The following TDRD5 variants were observed in gnomAD, a reference collection of about 807,000 sequenced individuals.
TDRD5 encodes tudor domain containing 5.
Under a neutral mutation model 120.6 loss-of-function variants are expected in TDRD5, and 41 were observed. The ratio of observed to expected loss-of-function variants is 0.34; its 90% CI spans 0.26 to 0.44. The LOEUF (loss-of-function observed/expected upper bound fraction) is 0.44. TDRD5 is among the 20% of genes least tolerant of loss of function. The pLI is 1.00. For missense variants in TDRD5, 1,006 were observed against 1,221.2 expected, an observed-to-expected ratio of 0.82 and a Z score of 2.63; for synonymous variants, 430 against 433.7, an observed-to-expected ratio of 0.99 and a Z score of 0.11.
At position 179,690,933 on chromosome 1, in the gene TDRD5, TG is replaced by T; in HGVS notation, c.3100del (p.Glu1034LysfsTer17). 4 of 1,611,444 alleles carry T rather than the reference TG, an allele frequency of 2.5e-6. No homozygotes were observed. Among genetic ancestry groups the T allele is most frequent in the Non-Finnish European group, 3.4e-6 (4 of 1,178,256 alleles). ...CACTGGTACCCCAGTGTGAAAAGGA[TG>T]GAAGCATGAGGGAGGGAGGGAGGAG... is the stretch of plus-strand genomic sequence containing the variant. ...LLHWYPSVKR[M>X]EA On this transcript the variant is annotated frameshift_variant, in exon 18 of 18. Coordinates refer to ENST00000444136, the MANE Select transcript of TDRD5 (RefSeq NM_001199085.3). LOFTEE classifies it high-confidence loss of function.
In TDRD5 at chr1:179,651,166, T is replaced by G. The variant is rs1678691664; in HGVS notation, c.2001+99T>G. On this transcript the variant is annotated intron_variant, in intron 12 of 17. Transcript: ENST00000444136. ...AAAGAAGTTTATTTGGTTTATTCTT[T>G]AACCAATTAGAGACATCCACGAGAT... 1.5e-5 allele frequency: 20 copies of G among 1,312,328 alleles called. No individual in the cohort carries two copies. The South Asian group carries it at 2.6e-4, about 17-fold the overall frequency. The allele number at this position is 1,312,328 out of a possible 1,614,324, so 81.3% of individuals were successfully genotyped here.
rs558644345 is a variant in TDRD5, at chr1:179,592,547, T to A, written c.-14-55T>A. The stretch of plus-strand genomic sequence containing the variant: ...TTGTATCCCACTATTGGTTTTTTTT[T>A]AAATCTTTTTTCGTGGGTTTGCCCC... On this transcript the variant is annotated intron_variant, in intron 1 of 17. Coordinates refer to ENST00000444136, the MANE Select transcript of TDRD5 (RefSeq NM_001199085.3). 92 of 1,225,632 alleles carry A rather than the reference T, an allele frequency of 7.5e-5. 1 individual carries two copies. Among genetic ancestry groups the A allele is most frequent in the African/African-American group, 5.0e-4 (33 of 66,550 alleles). The allele number at this position is 1,225,632 out of a possible 1,614,324, so 75.9% of individuals were successfully genotyped here.
chr1:179,675,273 A>ATTTTTTTTTTTTTTTTTTTTTTT (rs1172444253), intron 17 of TDRD5, among the ~76,000 whole-genome samples: 2 of 66,626 alleles, frequency 3.0e-5, no homozygotes, highest in East Asian at 4.0e-4. Context: ...TATTATTATT[A>ATTTTTTTTTTTTTTTTTTTTTTT]TTTTTTTTTT....
intron 4 of TDRD5, among the ~76,000 whole-genome samples, chr1:179,613,901 G>A (rs898704739): frequency 1.3e-5 from 2 of 152,192 alleles, no homozygotes; most frequent in African/African-American, 4.8e-5. Flanking sequence ...ATGTTTCTGT[G>A]CCAGTTTTGT....
At chr1:179,670,129 C>T (rs541729185) in intron 17 of TDRD5, among the ~76,000 whole-genome samples, 9 of 152,286 alleles carry the variant, frequency 5.9e-5, no homozygotes, top group South Asian at 2.1e-4. Flanking sequence ...CGATGGCTCA[C>T]GCCTGTAATC....
At chr1:179,613,328 G>T (rs933814839) in intron 4 of TDRD5, among the ~76,000 whole-genome samples, 3 of 152,004 alleles carry the variant, frequency 2.0e-5, no homozygotes, top group Non-Finnish European at 4.4e-5. Flanking sequence ...ATATTCTCTG[G>T]CCAACTTAGA....
chr1:179,602,304 T>C (rs1675757493), intron 4 of TDRD5, among the ~76,000 whole-genome samples: 1 of 152,180 alleles, frequency 6.6e-6, no homozygotes, highest in Non-Finnish European at 1.5e-5. Context: ...CCCTGATCAT[T>C]AGTGATGTTG....
chr1:179,647,900 C>T (rs1033267883), intron 11 of TDRD5, among the ~76,000 whole-genome samples: 1 of 148,702 alleles, frequency 6.7e-6, no homozygotes, highest in East Asian at 2.0e-4. Flanking sequence ...CAATGAGATA[C>T]CATCTCACAC....
intron 14 of TDRD5, among the ~76,000 whole-genome samples, chr1:179,660,211 GTTTTTTTTTTT>G (rs34435630): frequency 1.7e-5 from 1 of 58,172 alleles, no homozygotes; most frequent in Non-Finnish European, 3.0e-5. Context: ...ATCTACTATG[GTTTTTTTTTTT>G]TTTTTTTTTT....
intron 17 of TDRD5, among the ~76,000 whole-genome samples, chr1:179,688,772 C>T (rs1302934574): frequency 1.3e-5 from 2 of 152,098 alleles, no homozygotes; most frequent in Admixed American, 6.6e-5. Flanking sequence ...CTAAACTTCT[C>T]TTCTTGCTTC....
At position 179,630,988 on chromosome 1, in the gene TDRD5, G is replaced by A. The variant is rs1572370620; in HGVS notation, c.1126+68G>A. ...CCTTATGAGGACAAAGAGAAAACATGAAATAATGCCTAGCCATGAAATGTT... is the reference window on the plus strand; with the variant it reads ...CCTTATGAGGACAAAGAGAAAACATAAAATAATGCCTAGCCATGAAATGTT... On this transcript the variant is annotated intron_variant, in intron 7 of 17. Transcript: ENST00000444136. 9.9e-6 allele frequency: 14 copies of A among 1,410,780 alleles called. No homozygotes were observed. The South Asian group carries it at 1.8e-4, about 18-fold the overall frequency. 87.4% of individuals were successfully genotyped at this position (1,410,780 alleles called of 1,614,324 possible). A position where few individuals can be genotyped will look rare whatever the true frequency, so the allele number is the denominator to read the frequency against.
intron 17 of TDRD5, among the ~76,000 whole-genome samples, chr1:179,684,957 T>C (rs1680622516): frequency 6.6e-6 from 1 of 152,166 alleles, no homozygotes; most frequent in South Asian, 2.1e-4. Context: ...CTTTGTCAGA[T>C]GGGTAGATTG....
At chr1:179,679,073 T>C (rs1680293902) in intron 17 of TDRD5, among the ~76,000 whole-genome samples, 1 of 152,222 alleles carries the variant, frequency 6.6e-6, no homozygotes, top group Admixed American at 6.5e-5. Flanking sequence ...TTATTATGAA[T>C]CGGTGTTGAA....
chr1:179,658,491 G>A (rs1003342621), intron 14 of TDRD5, among the ~76,000 whole-genome samples: 2 of 151,990 alleles, frequency 1.3e-5, no homozygotes, highest in Admixed American at 6.6e-5. Flanking sequence ...GGTATTTTGT[G>A]GTTTTTGAGG....
Position 179,613,134 on chromosome 1 carries a change from T to G in TDRD5, c.832-5465T>G, listed in dbSNP as rs115303059. ...TAACTTTTAATTTGCACCTAAACAATTGATAGTTTTTACATGAATTAGATG... is the reference window on the plus strand; with the variant it reads ...TAACTTTTAATTTGCACCTAAACAAGTGATAGTTTTTACATGAATTAGATG... On this transcript the variant is annotated intron_variant, in intron 4 of 17. Coordinates refer to ENST00000444136, the MANE Select transcript of TDRD5 (RefSeq NM_001199085.3). Among the ~76,000 whole-genome samples the G allele has an allele frequency of 5.4e-3, 824 of 152,196 alleles. 3 individuals carry two copies. Among genetic ancestry groups the G allele is most frequent in the African/African-American group, 0.019 (781 of 41,520 alleles).
chr1:179,671,203 A>G (rs1168731935), intron 17 of TDRD5, among the ~76,000 whole-genome samples: 3 of 152,266 alleles, frequency 2.0e-5, no homozygotes, highest in African/African-American at 4.8e-5. Context: ...CTCTTGGTCT[A>G]TATGTCTGTT....
intron 15 of TDRD5, among the ~76,000 whole-genome samples, chr1:179,662,983 A>G (rs555977697): frequency 2.6e-5 from 4 of 152,182 alleles, no homozygotes; most frequent in Non-Finnish European, 5.9e-5. Flanking sequence ...AGGCCTAACT[A>G]TATATATTTG....
chr1:179,600,032 A>G (rs188664228), intron 4 of TDRD5, among the ~76,000 whole-genome samples: 2 of 152,188 alleles, frequency 1.3e-5, no homozygotes, highest in Non-Finnish European at 2.9e-5. Context: ...AAAAAAATTA[A>G]TTGTAAAACA....
upstream of TDRD5, chr1:179,591,798 G>C (rs1025532754): frequency 1.3e-5 from 2 of 152,584 alleles, no homozygotes; most frequent in Middle Eastern, 3.4e-3. Context: ...CGGCGCCCCG[G>C]GAGAGGCCTG....
Sources: allele counts gnomAD v4.1 joint callset (sites outside exome capture counted in the v4.1 genomes callset), GRCh38; gene constraint gnomAD v4.1.1; transcripts MANE v1.5; gene names NCBI Gene and HGNC (gene_info 2026-07-23, HGNC 2026-07-21).